CFAP91: variants seen among roughly 807,000 people sequenced by gnomAD.
CFAP91 encodes cilia and flagella associated protein 91, also known as cilia- and flagella-associated protein 91.
CFAP91 carries 85 observed loss-of-function variants against 95.9 expected under a neutral mutation model. The observed-to-expected ratio is 0.89, with a 90% CI of 0.74 to 1.06. The LOEUF is 1.06. Ranked by LOEUF, CFAP91 falls within the 50% of genes least tolerant of loss-of-function variation. The pLI is 0.00. For synonymous variants in CFAP91, 335 were observed against 327.5 expected, an observed-to-expected ratio of 1.02 and a Z score of -0.25; for missense variants, 962 against 943.4, an observed-to-expected ratio of 1.02 and a Z score of -0.26.
rs2053694365 is a variant in CFAP91, at chr3:119,722,027, G to A, written c.683-4144G>A. Among the ~76,000 whole-genome samples, 4 of 151,894 alleles carry A rather than the reference G, an allele frequency of 2.6e-5. No homozygotes were observed. The South Asian group carries it at 6.2e-4, about 24-fold the overall frequency. On this transcript the variant is annotated intron_variant, in intron 6 of 17. Transcript: ENST00000273390. ...CTCCATTTCTACAAAAGAAAAATTA[G>A]CCAAGTGTGGTGGTGCACACCTGTG...
chr3:119,747,539 G>A (rs929974826), intron 15 of CFAP91: 3 of 558,672 alleles, frequency 5.4e-6, no homozygotes, highest in African/African-American at 1.9e-5. Context: ...CAACATTACT[G>A]GGACTTCATC....
Position 119,765,624 on chromosome 3 carries a change from C to T in CFAP91, c.*574C>T, listed in dbSNP as rs556524625. 18 of 152,340 alleles carry T rather than the reference C, an allele frequency of 1.2e-4. No homozygotes were observed. In the East Asian group the frequency reaches 3.1e-3, roughly 26 times the overall value. The allele number at this position is 152,340 out of a possible 1,614,324, so 9.4% of individuals were successfully genotyped here. On this transcript the variant is annotated 3_prime_UTR_variant, in exon 18 of 18. Transcript: ENST00000273390. ...TTGGTCTGCTTCTACAGTGGCACAT[C>T]AACCCACCTTTGAGCTTTAGATCTA...
chr3:119,761,290 C>G (rs2054533473), intron 17 of CFAP91, among the ~76,000 whole-genome samples: 1 of 151,772 alleles, frequency 6.6e-6, no homozygotes, highest in Non-Finnish European at 1.5e-5. Flanking sequence ...CACATGCAAC[C>G]TATCAAGATT....
chr3:119,719,894 G>A (rs866871996), intron 6 of CFAP91, among the ~76,000 whole-genome samples: 32 of 148,262 alleles, frequency 2.2e-4, no homozygotes, highest in Admixed American at 1.3e-4. Context: ...CTTGAGGTGA[G>A]AAGTTTGAGA....
chr3:119,726,205 G>C lies in CFAP91; in HGVS notation c.717G>C (p.Glu239Asp). 5.0e-6 allele frequency: 8 copies of C among 1,613,108 alleles called. No individual in the cohort carries two copies. The highest frequency in any genetic ancestry group is 6.8e-6 in the Non-Finnish European group (8 of 1,179,610). ...RGLPAGQAEV[E>D]MIERAREKRA... Reference sequence around the variant, plus strand: ...TCCCAGCAGGACAAGCTGAGGTGGAGATGATAGAAAGAGCCCGCGAGAAGC... The same window carrying C: ...TCCCAGCAGGACAAGCTGAGGTGGACATGATAGAAAGAGCCCGCGAGAAGC... The change falls in exon 7 of 18, where the codon GAG becomes GAC. Residue 239 changes from glutamate to aspartate, a missense_variant. Transcript: ENST00000273390.
intron 17 of CFAP91, among the ~76,000 whole-genome samples, chr3:119,759,098 A>G (rs2054487163): frequency 6.6e-6 from 1 of 152,034 alleles, no homozygotes; most frequent in Non-Finnish European, 1.5e-5. Flanking sequence ...TTTTCAGAAA[A>G]AGTTTATCAT....
intron 13 of CFAP91, among the ~76,000 whole-genome samples, chr3:119,742,499 T>A (rs1361034986): frequency 6.6e-6 from 1 of 152,240 alleles, no homozygotes; most frequent in East Asian, 1.9e-4. Flanking sequence ...GATTTCTTGC[T>A]GAGAGAAGAG....
chr3:119,764,089 A>AAT (rs2054587236), intron 17 of CFAP91, among the ~76,000 whole-genome samples: 1 of 152,072 alleles, frequency 6.6e-6, no homozygotes, highest in Non-Finnish European at 1.5e-5. Context: ...GTACCTGACA[A>AAT]ATATATATAA....
intron 5 of CFAP91, among the ~76,000 whole-genome samples, chr3:119,712,034 CA>C: frequency 6.6e-6 from 1 of 152,244 alleles, no homozygotes; most frequent in South Asian, 2.1e-4. Flanking sequence ...CCCTGGCTGC[CA>C]TAAGAGTACT....
chr3:119,707,665 C>T, intron 3 of CFAP91, 104 bp downstream of exon 3: 1 of 1,070,708 alleles, frequency 9.3e-7, no homozygotes, highest in Non-Finnish European at 1.2e-6. Context: ...TGGTGTTATA[C>T]CTAGGCCAAA....
chr3:119,715,488 G>C, intron 5 of CFAP91, 74 bp from the exon 6 acceptor site: 1 of 1,254,262 alleles, frequency 8.0e-7, no homozygotes, highest in Non-Finnish European at 1.2e-6. Flanking sequence ...TCGAAGATTT[G>C]TTTCTACTTG....
At position 119,726,271 on chromosome 3, in the gene CFAP91, C is replaced by A; in HGVS notation, c.783C>A (p.Ser261=). ...EASLPALSDT[S]QFEKRRKMMN... ...CTCTCCCCGCTCTGAGTGACACCTC[C>A]CAGTTTGAGAAGAGGAGGAAAATGA... Residue 261 remains serine (S), a synonymous_variant, in exon 7 of 18, where the codon TCC becomes TCA. Transcript: ENST00000273390. 6.2e-7 allele frequency: 1 copy of A among 1,613,792 alleles called. No individual in the cohort carries two copies. Among genetic ancestry groups the A allele is most frequent in the South Asian group, 1.1e-5 (1 of 91,028 alleles).
chr3:119,748,025 C>T, intron 16 of CFAP91, 123 bp downstream of exon 16: 2 of 725,608 alleles, frequency 2.8e-6, no homozygotes, highest in Non-Finnish European at 4.5e-6. Context: ...ACTGAGTTTT[C>T]TTATTTCAGA....
chr3:119,764,697 A>T (rs2054598245), intron 17 of CFAP91, among the ~76,000 whole-genome samples: 1 of 152,192 alleles, frequency 6.6e-6, no homozygotes, highest in Admixed American at 6.5e-5. Context: ...GTTGGTAGGT[A>T]GCTGTTGCCA....
intron 3 of CFAP91, 22 bp from the exon 4 acceptor site, chr3:119,708,569 A>G (rs778938747): frequency 7.4e-6 from 11 of 1,494,728 alleles, no homozygotes; most frequent in Non-Finnish European, 9.3e-6. Flanking sequence ...GACTTGAATA[A>G]TGTTTTCTTG....
intron 11 of CFAP91, among the ~76,000 whole-genome samples, chr3:119,738,027 G>A (rs1309746981): frequency 1.3e-5 from 2 of 152,200 alleles, no homozygotes; most frequent in Non-Finnish European, 2.9e-5. Flanking sequence ...ATGCCATGAT[G>A]CAAATTTATT....
chr3:119,703,764 G>T (rs2053306219), intron 1 of CFAP91, among the ~76,000 whole-genome samples: 1 of 152,086 alleles, frequency 6.6e-6, no homozygotes, highest in Admixed American at 6.6e-5. Context: ...TAACGGCTTG[G>T]TTGTCCATTT....
chr3:119,745,792 C>T (rs558248284), intron 14 of CFAP91, among the ~76,000 whole-genome samples: 1 of 152,268 alleles, frequency 6.6e-6, no homozygotes, highest in Non-Finnish European at 1.5e-5. Context: ...TTGGTTGATA[C>T]TGTATTAAAC....
intron 17 of CFAP91, among the ~76,000 whole-genome samples, chr3:119,763,434 A>G (rs9872800): frequency 0.23 from 34,587 of 151,944 alleles, 4,608 homozygotes; most frequent in Non-Finnish European, 0.3. Context: ...AAAAAATAGA[A>G]CTACCATATG....
Sources: allele counts gnomAD v4.1 joint callset (sites outside exome capture counted in the v4.1 genomes callset), GRCh38; gene constraint gnomAD v4.1.1; transcripts MANE v1.5; gene names NCBI Gene and HGNC (gene_info 2026-07-23, HGNC 2026-07-21).